Variants in TLK2 observed in about 807,000 individuals in gnomAD.
The protein encoded by TLK2 is serine/threonine-protein kinase tousled-like 2.
A neutral mutation model predicts 117.3 loss-of-function variants in TLK2; 6 were observed. That is an observed-to-expected ratio of 0.05 (90% CI 0.03 to 0.10). The LOEUF is 0.10. TLK2 is among the 10% of genes least tolerant of loss of function. TLK2 has a pLI of 1.00. For synonymous variants in TLK2, 257 were observed against 316.7 expected (o/e 0.81, Z 2.00); for missense variants, 299 against 901.2 (o/e 0.33, Z 8.56).
intron 2 of TLK2, among the ~76,000 whole-genome samples, chr17:62,489,065 T>A (rs1011275325): frequency 6.6e-6 from 1 of 152,116 alleles, no homozygotes; most frequent in Admixed American, 6.6e-5. Context: ...TTTTTGTATT[T>A]TTTGTAGAAA....
chr17:62,608,465 C>A lies in TLK2; in HGVS notation c.2079+317C>A, dbSNP rs531448056. Among the ~76,000 whole-genome samples, 37 of 152,262 alleles carry A rather than the reference C, an allele frequency of 2.4e-4. No individual in the cohort carries two copies. The South Asian group carries it at 5.2e-3, about 21-fold the overall frequency. ...AGGTGTGTGGATGTCACGAAAGATA[C>A]CCAGCTTCATCTGTATTCAGGGATT... On this transcript the variant is annotated intron_variant, in intron 21 of 21. Coordinates refer to ENST00000346027, the MANE Select transcript of TLK2 (RefSeq NM_006852.6).
At chr17:62,566,919 A>G (rs1459161435) in intron 11 of TLK2, among the ~76,000 whole-genome samples, 3 of 152,138 alleles carry the variant, frequency 2.0e-5, no homozygotes, top group African/African-American at 7.2e-5. Flanking sequence ...TTGTATAGAG[A>G]TGTAATTAGT....
At chr17:62,590,874 C>T (rs1043036721) in intron 16 of TLK2, among the ~76,000 whole-genome samples, 4 of 152,196 alleles carry the variant, frequency 2.6e-5, no homozygotes, top group Non-Finnish European at 1.5e-5. Flanking sequence ...CTGCTTATTG[C>T]CCTTAAGCCT....
intron 2 of TLK2, among the ~76,000 whole-genome samples, chr17:62,497,069 C>A (rs1208652203): frequency 2.6e-5 from 4 of 151,732 alleles, no homozygotes; most frequent in African/African-American, 4.8e-5. Context: ...CCAGCCTGGG[C>A]AAAGTGGTGA....
chr17:62,585,330 G>A (rs1187067698), intron 15 of TLK2, among the ~76,000 whole-genome samples: 1 of 152,304 alleles, frequency 6.6e-6, no homozygotes. Flanking sequence ...GATCGCCTGA[G>A]GTCAGGAGAC....
At chr17:62,573,589 A>G (rs2080494519) in intron 12 of TLK2, among the ~76,000 whole-genome samples, 1 of 152,224 alleles carries the variant, frequency 6.6e-6, no homozygotes, top group South Asian at 2.1e-4. Context: ...GAGAGGGAAA[A>G]GTAATGTCAC....
At position 62,522,223 on chromosome 17, in the gene TLK2, A is replaced by G. The variant is rs767524783; in HGVS notation, c.173A>G (p.Asn58Ser). 1.2e-6 allele frequency: 2 copies of G among 1,613,684 alleles called. No individual in the cohort carries two copies. The highest frequency in any genetic ancestry group is 1.3e-5 in the African/African-American group (1 of 75,046). Reference sequence around the variant, plus strand: ...TGACAGACTCCCGAGAAAAAGCAGAATGACCAGCGAAATCGGAAAAGAAAA... The same window carrying G: ...TGACAGACTCCCGAGAAAAAGCAGAGTGACCAGCGAAATCGGAAAAGAAAA... ...KEVETPEKKQ[N>S]DQRNRKRKAE... Residue 58 changes from asparagine to serine, a missense_variant, in exon 4 of 22, where the codon AAT becomes AGT. This residue lies in a region of TLK2 where 105 missense variants were observed against 218.4 expected (regional missense o/e 0.48). Transcript: ENST00000346027.
chr17:62,571,827 G>T (rs762671684), intron 11 of TLK2, among the ~76,000 whole-genome samples: 1 of 152,152 alleles, frequency 6.6e-6, no homozygotes, highest in South Asian at 2.1e-4. Context: ...TGACAGCAAT[G>T]TTCAGGGAAG....
intron 2 of TLK2, among the ~76,000 whole-genome samples, chr17:62,485,127 AAG>A (rs1249381232): frequency 2.0e-5 from 3 of 152,206 alleles, no homozygotes; most frequent in Non-Finnish European, 2.9e-5. Flanking sequence ...AGCTCCAAAT[AAG>A]AGAGCAGAGT....
At chr17:62,478,319 G>A (rs1048380189), upstream of TLK2, among the ~76,000 whole-genome samples, 3 of 151,500 alleles carry the variant, frequency 2.0e-5, no homozygotes, top group African/African-American at 7.3e-5. Flanking sequence ...CGGAGCCGAG[G>A]GGCTGGGCAG....
At chr17:62,601,940 AAG>A in intron 18 of TLK2, 100 bp from the exon 19 acceptor site, 1 of 1,058,068 alleles carries the variant, frequency 9.5e-7, no homozygotes, top group Non-Finnish European at 1.3e-6. Context: ...TTGCTTTTGC[AAG>A]AGTTTGAGTT....
In TLK2 at chr17:62,536,249, C is replaced by T. The variant is rs35001497; in HGVS notation, c.443C>T (p.Thr148Ile). 1.2e-6 allele frequency: 2 copies of T among 1,613,214 alleles called. No individual in the cohort carries two copies. The highest frequency in any genetic ancestry group is 1.7e-6 in the Non-Finnish European group (2 of 1,179,818). The change falls in exon 7 of 22, where the codon ACC becomes ATC. Residue 148 changes from threonine to isoleucine, a missense_variant. Coordinates refer to ENST00000346027, the MANE Select transcript of TLK2 (RefSeq NM_006852.6). ...ACGGAGGAGCAGTCTGCTCTGCCAACCCTCATGTCAGTGATGCTAGCAAAA... is the reference window on the plus strand; with the variant it reads ...ACGGAGGAGCAGTCTGCTCTGCCAATCCTCATGTCAGTGATGCTAGCAAAA... ...EATEEQSALP[T>I]LMSVMLAKPR...
In TLK2 at chr17:62,554,351, G is replaced by T. The variant is rs547854064; in HGVS notation, c.720+596G>T. On this transcript the variant is annotated intron_variant, in intron 9 of 21. Coordinates refer to ENST00000346027, the MANE Select transcript of TLK2 (RefSeq NM_006852.6). ...GCACTTTGGGAGGCCAAGGCAGGTG[G>T]ATCACTTGAGGTCAGGAGTTTGGGA... Among the ~76,000 whole-genome samples the T allele has an allele frequency of 3.9e-5, 6 of 152,294 alleles. No homozygotes were observed. The East Asian group carries it at 1.2e-3, about 29-fold the overall frequency.
chr17:62,492,455 CTGTT>C (rs1361216929), intron 2 of TLK2, among the ~76,000 whole-genome samples: 5 of 151,594 alleles, frequency 3.3e-5, no homozygotes, highest in Non-Finnish European at 7.4e-5. Flanking sequence ...TGTTATTAAA[CTGTT>C]TTTTTTTTTG....
At chr17:62,586,994 C>A (rs1269978238) in intron 16 of TLK2, among the ~76,000 whole-genome samples, 2 of 151,956 alleles carry the variant, frequency 1.3e-5, no homozygotes, top group African/African-American at 4.8e-5. Flanking sequence ...ATGTTCTCCT[C>A]CCGGTCACAG....
upstream of TLK2, among the ~76,000 whole-genome samples, chr17:62,473,896 T>C (rs2070987927): frequency 6.6e-6 from 1 of 152,034 alleles, no homozygotes; most frequent in South Asian, 2.1e-4. Flanking sequence ...AGCCTAGATT[T>C]TTTTTCTTTT....
In TLK2 at chr17:62,557,556, G is replaced by A. The variant is rs1240594893; in HGVS notation, c.721-2460G>A. Among the ~76,000 whole-genome samples, 10 of 152,114 alleles carry A rather than the reference G, an allele frequency of 6.6e-5. No individual in the cohort carries two copies. The South Asian group carries it at 1.9e-3, about 28-fold the overall frequency. Reference sequence around the variant, plus strand: ...ACTGTGTTGTATTTTTCATTGTTCGGATATGTATACTTGCATGGAGTTGCT... The same window carrying A: ...ACTGTGTTGTATTTTTCATTGTTCGAATATGTATACTTGCATGGAGTTGCT... On this transcript the variant is annotated intron_variant, in intron 9 of 21. Coordinates refer to ENST00000346027, the MANE Select transcript of TLK2 (RefSeq NM_006852.6).
intron 2 of TLK2, among the ~76,000 whole-genome samples, chr17:62,492,683 C>T (rs2144727945): frequency 6.6e-6 from 1 of 152,082 alleles, no homozygotes; most frequent in South Asian, 2.1e-4. Flanking sequence ...TCTTGAACTC[C>T]TGACCTCTCA....
chr17:62,513,419 C>G (rs542619136), intron 2 of TLK2, among the ~76,000 whole-genome samples: 1 of 149,256 alleles, frequency 6.7e-6, no homozygotes, highest in Non-Finnish European at 1.5e-5. Context: ...CACTCGCACT[C>G]CTGAGCTCCC....
Sources: allele counts gnomAD v4.1 joint callset (sites outside exome capture counted in the v4.1 genomes callset), GRCh38; gene constraint gnomAD v4.1.1; regional missense constraint gnomAD v4.1.1; transcripts MANE v1.5; gene names NCBI Gene and HGNC (gene_info 2026-07-23, HGNC 2026-07-21).